Variants in FBXW11 observed in about 807,000 individuals in gnomAD.
FBXW11 encodes F-box and WD repeat domain containing 11, also known as F-box/WD repeat-containing protein 11.
In FBXW11, 19 loss-of-function variants were observed where a neutral mutation model predicts 77.6. The observed-to-expected ratio is 0.24, with a 90% CI of 0.17 to 0.36. The LOEUF (loss-of-function observed/expected upper bound fraction) is 0.36. FBXW11 is among the 10% of genes least tolerant of loss of function. The pLI is 1.00. For missense variants in FBXW11, 334 were observed against 704.2 expected (o/e 0.47, Z 5.95); for synonymous variants, 235 against 249.4 (o/e 0.94, Z 0.54).
intron 2 of FBXW11, among the ~76,000 whole-genome samples, chr5:171,925,324 C>T (rs1448278581): frequency 6.6e-6 from 1 of 152,184 alleles, no homozygotes; most frequent in East Asian, 1.9e-4. Flanking sequence ...ATTCTAATTT[C>T]ATCAAAAGAT....
chr5:171,872,727 C>T, intron 10 of FBXW11, 145 bp downstream of exon 10: 1 of 648,096 alleles, frequency 1.5e-6, no homozygotes, highest in Non-Finnish European at 2.8e-6. Context: ...ATACAGAGCC[C>T]AAATACATTT....
chr5:172,001,560 T>C (rs1401243699), intron 1 of FBXW11, among the ~76,000 whole-genome samples: 1 of 152,220 alleles, frequency 6.6e-6, no homozygotes, highest in East Asian at 1.9e-4. Flanking sequence ...GAGTTTATCA[T>C]TCAACAGAGG....
At chr5:171,918,620 T>A (rs1044728555) in intron 2 of FBXW11, among the ~76,000 whole-genome samples, 6 of 152,160 alleles carry the variant, frequency 3.9e-5, no homozygotes, top group Admixed American at 3.3e-4. Context: ...CACACGTAAA[T>A]AGATTACAAT....
intron 13 of FBXW11, among the ~76,000 whole-genome samples, chr5:171,867,209 A>C (rs112088856): frequency 3.5e-4 from 53 of 152,362 alleles, no homozygotes; most frequent in Non-Finnish European, 6.9e-4. Flanking sequence ...TGAAAGGGCC[A>C]TATGGTAAAT....
chr5:171,922,638 C>A (rs1761660094), intron 2 of FBXW11, among the ~76,000 whole-genome samples: 1 of 152,112 alleles, frequency 6.6e-6, no homozygotes, highest in Admixed American at 6.5e-5. Flanking sequence ...TAGGAATATA[C>A]CAGTTATTTT....
intron 1 of FBXW11, 140 bp downstream of exon 1, chr5:172,006,318 C>T (rs1213615864): frequency 3.0e-6 from 2 of 670,354 alleles, no homozygotes; most frequent in African/African-American, 1.9e-5. Flanking sequence ...AGGTCCGAGG[C>T]CAGGGAAGGC....
At chr5:171,964,813 G>A (rs1180950471) in intron 1 of FBXW11, among the ~76,000 whole-genome samples, 3 of 152,146 alleles carry the variant, frequency 2.0e-5, no homozygotes, top group Admixed American at 1.3e-4. Flanking sequence ...CTGAATATTG[G>A]CCCATTACCC....
intron 13 of FBXW11, among the ~76,000 whole-genome samples, chr5:171,867,005 T>A (rs1357981397): frequency 6.6e-6 from 1 of 152,152 alleles, no homozygotes. Context: ...AAGGCAGACA[T>A]AACCAACCAC....
chr5:171,894,191 C>A (rs1176423741), intron 6 of FBXW11, among the ~76,000 whole-genome samples: 2 of 152,066 alleles, frequency 1.3e-5, no homozygotes, highest in Non-Finnish European at 2.9e-5. Flanking sequence ...GGACAGAGGA[C>A]GACAACAACA....
intron 7 of FBXW11, among the ~76,000 whole-genome samples, chr5:171,881,466 G>T (rs1758502792): frequency 6.6e-6 from 1 of 152,086 alleles, no homozygotes; most frequent in African/African-American, 2.4e-5. Flanking sequence ...CTATTGACGT[G>T]ATTTTCTTCT....
At chr5:171,864,842 A>G (rs1429763957) in intron 13 of FBXW11, among the ~76,000 whole-genome samples, 1 of 152,166 alleles carries the variant, frequency 6.6e-6, no homozygotes, top group East Asian at 1.9e-4. Context: ...TCATTTTTAC[A>G]TACAATGCAG....
chr5:171,940,626 A>C (rs1762702250), intron 2 of FBXW11, among the ~76,000 whole-genome samples: 1 of 152,224 alleles, frequency 6.6e-6, no homozygotes, highest in Non-Finnish European at 1.5e-5. Context: ...GCGGTGGCTC[A>C]TGTCTGTAAT....
intron 1 of FBXW11, among the ~76,000 whole-genome samples, chr5:171,989,617 G>C (rs1333499961): frequency 1.3e-5 from 2 of 152,216 alleles, no homozygotes; most frequent in South Asian, 2.1e-4. Context: ...ACCAGAGCTG[G>C]TCTCTTCAAA....
At chr5:171,938,869 T>C (rs1206271998) in intron 2 of FBXW11, among the ~76,000 whole-genome samples, 3 of 152,192 alleles carry the variant, frequency 2.0e-5, no homozygotes, top group Non-Finnish European at 4.4e-5. Context: ...AGAATAACTT[T>C]CAGTATACAC....
chr5:171,883,059 C>T (rs1331164180), intron 7 of FBXW11, among the ~76,000 whole-genome samples: 1 of 152,090 alleles, frequency 6.6e-6, no homozygotes, highest in Non-Finnish European at 1.5e-5. Context: ...TCCTGAGTTA[C>T]TTTGCTTAGA....
chr5:171,869,513 A>T lies in FBXW11; in HGVS notation c.1530+216T>A, dbSNP rs895815135. ...TACAAATCAGGAAGCCTGCCTTCAT[A>T]TCTTAAGCTGCATTATGTCTCCCCT... On this transcript the variant is annotated intron_variant, in intron 12 of 13. Transcript: ENST00000517395. This position sits in a 1 kb window ranked among gnomAD's most constrained non-coding sequence, Gnocchi z 4.1. Among the ~76,000 whole-genome samples the T allele has an allele frequency of 6.6e-6, 1 of 152,234 alleles. No individual in the cohort carries two copies. The highest frequency in any genetic ancestry group is 1.5e-5 in the Non-Finnish European group (1 of 68,034).
In FBXW11 at chr5:171,917,014, G is replaced by A. The variant is rs368577388; in HGVS notation, c.148-2609C>T. ...CAAATCACTGCAACTTCCACCTCCC[G>A]GCTTCAAGCGATTCTCCCGCCTCAG... On this transcript the variant is annotated intron_variant, in intron 2 of 13. Transcript: ENST00000517395. Among the ~76,000 whole-genome samples the A allele has an allele frequency of 1.1e-4, 16 of 152,072 alleles. No homozygotes were observed. The South Asian group carries it at 2.3e-3, about 22-fold the overall frequency.
chr5:171,953,378 G>GTGC (rs1763447196), intron 2 of FBXW11, among the ~76,000 whole-genome samples: 1 of 152,080 alleles, frequency 6.6e-6, no homozygotes, highest in African/African-American at 2.4e-5. Flanking sequence ...CAGACCCAGA[G>GTGC]TGCTATAGGA....
At chr5:171,955,637 A>G (rs1399674369) in intron 2 of FBXW11, among the ~76,000 whole-genome samples, 1 of 152,140 alleles carries the variant, frequency 6.6e-6, no homozygotes, top group Non-Finnish European at 1.5e-5. Flanking sequence ...TTCCATTCAC[A>G]TGTGGGACAA....
Sources: gnomAD v4.1 joint callset for allele counts (sites outside exome capture counted in the v4.1 genomes callset) on GRCh38, gnomAD v4.1.1 for gene constraint, Gnocchi (gnomAD v3.1) non-coding constraint, MANE v1.5 for transcripts, NCBI Gene and HGNC (gene_info 2026-07-23, HGNC 2026-07-21) for gene names.